Variants in KCNIP4 observed in about 807,000 individuals in gnomAD.
The protein encoded by KCNIP4 is potassium voltage-gated channel interacting protein 4, also known as Kv channel-interacting protein 4.
In KCNIP4, 12 loss-of-function variants were observed where a neutral mutation model predicts 34.0. That is an observed-to-expected ratio of 0.35 (90% confidence interval 0.23 to 0.57). The LOEUF (loss-of-function observed/expected upper bound fraction) is 0.57, where lower values mean the gene tolerates loss of function less well. Ranked by LOEUF, KCNIP4 falls within the 20% of genes least tolerant of loss-of-function variation. The pLI is 0.83. For synonymous variants in KCNIP4, 124 were observed against 102.2 expected (o/e 1.21, Z -1.29); for missense variants, 238 against 311.7 (o/e 0.76, Z 1.78).
At chr4:21,861,054 TAC>T (rs2109350756) in intron 1 of KCNIP4, among the ~76,000 whole-genome samples, 1 of 152,304 alleles carries the variant, frequency 6.6e-6, no homozygotes, top group Admixed American at 6.5e-5. Flanking sequence ...TTGTCAGATG[TAC>T]ATAGATATTA....
chr4:21,333,587 T>C (rs2109329856), intron 1 of KCNIP4, among the ~76,000 whole-genome samples: 1 of 152,140 alleles, frequency 6.6e-6, no homozygotes, highest in African/African-American at 2.4e-5. Flanking sequence ...TCCCAGTCTT[T>C]TGTATTTTTT....
intron 1 of KCNIP4, among the ~76,000 whole-genome samples, chr4:21,419,886 C>T (rs1475385053): frequency 6.6e-6 from 1 of 152,056 alleles, no homozygotes; most frequent in Non-Finnish European, 1.5e-5. Flanking sequence ...TAGATTTGGG[C>T]AGAGACTAAT....
intron 1 of KCNIP4, among the ~76,000 whole-genome samples, chr4:21,515,796 C>A (rs1560476170): frequency 6.6e-6 from 1 of 152,280 alleles, no homozygotes; most frequent in East Asian, 1.9e-4. Flanking sequence ...CTCTCTTTTG[C>A]CATCTGCTCT....
rs188839414 is a variant in KCNIP4, at chr4:21,703,295, G to T, written c.61+245276C>A. Among the ~76,000 whole-genome samples the T allele has an allele frequency of 9.2e-5, 14 of 152,138 alleles. No homozygotes were observed. In the South Asian group the frequency reaches 1.0e-3, roughly 11 times the overall value. ...AACTTAAAGGCATACAGAGTGTAAA[G>T]AAATAAATAAAATCTTTCCATTTGC... On this transcript the variant is annotated intron_variant, in intron 1 of 8. Coordinates refer to ENST00000382152, the MANE Select transcript of KCNIP4 (RefSeq NM_025221.6).
Position 21,233,383 on chromosome 4 carries a change from A to G in KCNIP4, c.62-350674T>C, listed in dbSNP as rs111618366. On this transcript the variant is annotated intron_variant, in intron 1 of 8. Coordinates refer to ENST00000382152, the MANE Select transcript of KCNIP4 (RefSeq NM_025221.6). ...TCCTCACTGTTTAACAGATACATCC[A>G]TAGTATTTTAATGTAAATACAAGAA... 4.8e-3 allele frequency among the ~76,000 whole-genome samples: 728 copies of G among 152,202 alleles called. 4 individuals carry two copies. The highest frequency in any genetic ancestry group is 0.017 in the African/African-American group (692 of 41,518).
At chr4:21,352,589 T>C (rs1718124383) in intron 1 of KCNIP4, among the ~76,000 whole-genome samples, 1 of 152,222 alleles carries the variant, frequency 6.6e-6, no homozygotes, top group African/African-American at 2.4e-5. Flanking sequence ...TGTTCACCAT[T>C]GCTGAGGCTT....
intron 1 of KCNIP4, among the ~76,000 whole-genome samples, chr4:20,919,702 CAAAAAAA>C (rs573617142): frequency 1.7e-5 from 1 of 57,252 alleles, no homozygotes; most frequent in Non-Finnish European, 3.9e-5. Context: ...GACTCCGTCT[CAAAAAAA>C]AAAAAAAAAA....
At position 21,371,485 on chromosome 4, in the gene KCNIP4, C is replaced by T. The variant is rs1208153173; in HGVS notation, c.62-488776G>A. Among the ~76,000 whole-genome samples, 3 of 147,030 alleles carry T rather than the reference C, an allele frequency of 2.0e-5. 1 individual carries two copies. In the East Asian group the frequency reaches 6.0e-4, roughly 29 times the overall value. On this transcript the variant is annotated intron_variant, in intron 1 of 8. Transcript: ENST00000382152. ...TACCAGGTGCACACTCTATCACATA[C>T]TATCTCTGTGAGCTTGAGCATGATC...
At chr4:20,961,741 A>G (rs961599035) in intron 1 of KCNIP4, among the ~76,000 whole-genome samples, 8 of 152,240 alleles carry the variant, frequency 5.3e-5, no homozygotes, top group African/African-American at 1.7e-4. Flanking sequence ...GTCCCTGGAC[A>G]GAAAACAGTG....
At chr4:21,357,887 C>G (rs564415996) in intron 1 of KCNIP4, among the ~76,000 whole-genome samples, 1 of 152,094 alleles carries the variant, frequency 6.6e-6, no homozygotes, top group Admixed American at 6.6e-5. Flanking sequence ...TATTGTGGCA[C>G]TATTCACAAT....
chr4:21,858,259 G>A (rs1328925592), intron 1 of KCNIP4, among the ~76,000 whole-genome samples: 1 of 152,230 alleles, frequency 6.6e-6, no homozygotes, highest in Non-Finnish European at 1.5e-5. Flanking sequence ...AGCTGGTGAA[G>A]TGACACCCCA....
At position 20,771,540 on chromosome 4, in the gene KCNIP4, T is replaced by C. The variant is rs1344957425; in HGVS notation, c.289-12650A>G. Among the ~76,000 whole-genome samples the C allele has an allele frequency of 2.6e-5, 4 of 152,184 alleles. No homozygotes were observed. In the East Asian group the frequency reaches 7.7e-4, roughly 29 times the overall value. On this transcript the variant is annotated intron_variant, in intron 3 of 8. Transcript: ENST00000382152. ...CTGACAAGTTTGGTGAAATGTCTGC[T>C]GGAGAAAGAGGTGTCGTCTATAGAT...
At chr4:21,781,274 C>G (rs1719559550) in intron 1 of KCNIP4, among the ~76,000 whole-genome samples, 1 of 152,068 alleles carries the variant, frequency 6.6e-6, no homozygotes, top group Non-Finnish European at 1.5e-5. Context: ...TGAAGAAGGT[C>G]CTTGTTTCCC....
chr4:21,597,270 T>C (rs1742729014), intron 1 of KCNIP4, among the ~76,000 whole-genome samples: 2 of 152,034 alleles, frequency 1.3e-5, no homozygotes, highest in Admixed American at 6.6e-5. Context: ...CCACTTTCAC[T>C]TGGTTCTCTT....
At chr4:21,510,685 C>T (rs57501870) in intron 1 of KCNIP4, among the ~76,000 whole-genome samples, 3,143 of 151,978 alleles carry the variant, frequency 0.021, 38 homozygotes, top group East Asian at 0.049. Flanking sequence ...AATATGTTGA[C>T]CCCTCATTTT....
At chr4:21,323,505 A>AACAT (rs1025010811) in intron 1 of KCNIP4, among the ~76,000 whole-genome samples, 28 of 152,098 alleles carry the variant, frequency 1.8e-4, no homozygotes, top group African/African-American at 2.9e-4. Context: ...ATTAAGTGTG[A>AACAT]ACATGCGAAG....
Position 21,399,789 on chromosome 4 carries a change from G to A in KCNIP4, c.62-517080C>T, listed in dbSNP as rs149445668. 9.5e-3 allele frequency among the ~76,000 whole-genome samples: 1,448 copies of A among 151,866 alleles called. 9 individuals carry two copies. Among genetic ancestry groups the A allele is most frequent in the Non-Finnish European group, 0.01 (697 of 67,946 alleles). Reference sequence around the variant, plus strand: ...CTCCTGCCTCAGCCTCCCAAGTAGCGGTATAAACATTTCCTATGCAATATT... The same window carrying A: ...CTCCTGCCTCAGCCTCCCAAGTAGCAGTATAAACATTTCCTATGCAATATT... On this transcript the variant is annotated intron_variant, in intron 1 of 8. Coordinates refer to ENST00000382152, the MANE Select transcript of KCNIP4 (RefSeq NM_025221.6).
chr4:21,733,261 G>A (rs954374911), intron 1 of KCNIP4, among the ~76,000 whole-genome samples: 1 of 152,118 alleles, frequency 6.6e-6, no homozygotes, highest in Non-Finnish European at 1.5e-5. Flanking sequence ...TCTATCTCCT[G>A]ATTGGGACAT....
chr4:20,904,744 T>G (rs1218461458), intron 1 of KCNIP4, among the ~76,000 whole-genome samples: 3 of 152,226 alleles, frequency 2.0e-5, no homozygotes, highest in Non-Finnish European at 2.9e-5. Context: ...AATAATGTTT[T>G]AAATTTTTAC....
Sources: gnomAD v4.1 joint callset for allele counts (sites outside exome capture counted in the v4.1 genomes callset) on GRCh38, gnomAD v4.1.1 for gene constraint, MANE v1.5 for transcripts, NCBI Gene and HGNC (gene_info 2026-07-23, HGNC 2026-07-21) for gene names.